Variants in CCDC124 observed in about 807,000 individuals in gnomAD.
CCDC124 encodes the protein coiled-coil domain-containing protein 124.
Under a neutral mutation model 19.8 loss-of-function variants are expected in CCDC124, and 9 were observed. The ratio of observed to expected loss-of-function variants is 0.45; its 90% confidence interval spans 0.27 to 0.79. The LOEUF (loss-of-function observed/expected upper bound fraction) is 0.79. CCDC124 is among the 30% of genes least tolerant of loss of function. CCDC124 has a pLI of 0.14. For missense variants in CCDC124, 285 were observed against 319.0 expected (o/e 0.89, Z 0.81); for synonymous variants, 126 against 131.3 (o/e 0.96, Z 0.27).
intron 1 of CCDC124, among the ~76,000 whole-genome samples, chr19:17,934,900 GTTTCC>G (rs2031026490): frequency 3.1e-5 from 1 of 31,870 alleles, no homozygotes; most frequent in Non-Finnish European, 6.0e-5. Context: ...TTGGTGCCTT[GTTTCC>G]TTGTTTCCTT....
chr19:17,937,740 G>T (rs1320087558), intron 2 of CCDC124, among the ~76,000 whole-genome samples: 2 of 151,982 alleles, frequency 1.3e-5, no homozygotes, highest in Non-Finnish European at 2.9e-5. Context: ...TTTTATTTTT[G>T]TTGTTGTTGT....
At chr19:17,937,546 G>T (rs537430551) in intron 2 of CCDC124, among the ~76,000 whole-genome samples, 33 of 152,166 alleles carry the variant, frequency 2.2e-4, no homozygotes, top group African/African-American at 7.5e-4. Context: ...TCGGGGAGAG[G>T]GGGTGTTGCT....
In CCDC124 at chr19:17,943,241, T is replaced by TGGGGGGGGGCC; in HGVS notation, c.350-20_350-19insGGGGGGGGGCC. On this transcript the variant is annotated intron_variant, in intron 3 of 4. Coordinates refer to ENST00000445755, the MANE Select transcript of CCDC124 (RefSeq NM_001136203.2). ...CTTTGCTTATCTCTCTCTGTCTCTG[T>TGGGGGGGGGCC]CACCCACCCACCCGCCCAGCCGAGA... 1.4e-6 allele frequency: 1 copy of TGGGGGGGGGCC among 736,674 alleles called. No individual in the cohort carries two copies. Among genetic ancestry groups the TGGGGGGGGGCC allele is most frequent in the Non-Finnish European group, 2.4e-6 (1 of 414,968 alleles). 45.6% of individuals were successfully genotyped at this position (736,674 alleles called of 1,614,324 possible).
intron 1 of CCDC124, chr19:17,935,310 G>C (rs2031035085): frequency 2.0e-5 from 3 of 152,564 alleles, no homozygotes; most frequent in Admixed American, 2.0e-4. Context: ...AAGAGGAATA[G>C]GGAGTGACTG....
chr19:17,934,721 T>C (rs971233496), intron 1 of CCDC124, among the ~76,000 whole-genome samples: 1 of 151,502 alleles, frequency 6.6e-6, no homozygotes, highest in African/African-American at 2.4e-5. Flanking sequence ...AGGTCAAGGC[T>C]GCAGTAAGCC....
intron 2 of CCDC124, among the ~76,000 whole-genome samples, chr19:17,941,896 G>A (rs1399203756): frequency 1.3e-5 from 2 of 152,144 alleles, no homozygotes; most frequent in Non-Finnish European, 2.9e-5. Context: ...GGCAGGCAGG[G>A]GTGTCCGAGA....
At chr19:17,941,598 G>A (rs893277051) in intron 2 of CCDC124, among the ~76,000 whole-genome samples, 2 of 151,968 alleles carry the variant, frequency 1.3e-5, no homozygotes, top group Admixed American at 6.6e-5. Context: ...GCCTCTGACC[G>A]AGGGGGAAAC....
chr19:17,936,250 A>G (rs2031059617), intron 1 of CCDC124, 160 bp from the exon 2 acceptor site: 1 of 607,930 alleles, frequency 1.6e-6, no homozygotes, highest in African/African-American at 1.9e-5. Context: ...GCCTTAATAA[A>G]CTTTTACAAG....
chr19:17,940,748 T>TAAA (rs753423113), intron 2 of CCDC124, among the ~76,000 whole-genome samples: 1 of 80,920 alleles, frequency 1.2e-5, no homozygotes, highest in Non-Finnish European at 2.5e-5. Flanking sequence ...AGATTCCACC[T>TAAA]AAAAAAAAAA....
In CCDC124 at chr19:17,943,649, G is replaced by A. The variant is rs749570187; in HGVS notation, c.606G>A (p.Lys202=). Residue 202 remains lysine, a synonymous_variant, in exon 5 of 5, where the codon AAG becomes AAA. Transcript: ENST00000445755. The part of the protein sequence containing the change: ...RLSQLKQLLK[K]EWLRSPDNPM... ...CGCAGCTGAAACAGCTGCTCAAGAA[G>A]GAGTGGCTCCGCTCTCCTGACAACC... 1.9e-6 allele frequency: 3 copies of A among 1,612,966 alleles called. No homozygotes were observed. Among genetic ancestry groups the A allele is most frequent in the Non-Finnish European group, 2.5e-6 (3 of 1,179,956 alleles).
chr19:17,933,228 G>C (rs2030985038), intron 1 of CCDC124, among the ~76,000 whole-genome samples, 180 bp downstream of exon 1: 1 of 152,208 alleles, frequency 6.6e-6, no homozygotes, highest in African/African-American at 2.4e-5. Flanking sequence ...TTCCAGACTA[G>C]ACGATTGAAG....
At chr19:17,934,881 A>G (rs2031025765) in intron 1 of CCDC124, among the ~76,000 whole-genome samples, 1 of 147,138 alleles carries the variant, frequency 6.8e-6, no homozygotes, top group African/African-American at 2.6e-5. Flanking sequence ...ACATTGTATC[A>G]TGTATGTATT....
Position 17,943,253 on chromosome 19 carries a change from C to A in CCDC124, c.350-8C>A, listed in dbSNP as rs1224798164. On this transcript the variant is annotated splice_region_variant and splice_polypyrimidine_tract_variant and intron_variant, in intron 3 of 4. Transcript: ENST00000445755. ...CTCTCTGTCTCTGTCACCCACCCACCCGCCCAGCCGAGAAAGCCAAGAGCC... is the reference window on the plus strand; with the variant it reads ...CTCTCTGTCTCTGTCACCCACCCACACGCCCAGCCGAGAAAGCCAAGAGCC... The A allele has an allele frequency of 2.9e-6, 4 of 1,364,208 alleles. No individual in the cohort carries two copies. The highest frequency in any genetic ancestry group is 2.5e-5 in the South Asian group (2 of 80,256). The allele number at this position is 1,364,208 out of a possible 1,614,324, so 84.5% of individuals were successfully genotyped here. A position where few individuals can be genotyped will look rare whatever the true frequency, so the allele number is the denominator to read the frequency against.
At chr19:17,934,963 T>C (rs1309159562) in intron 1 of CCDC124, 1 of 152,068 alleles carries the variant, frequency 6.6e-6, no homozygotes, top group African/African-American at 2.4e-5. Flanking sequence ...TTGCCCAGGC[T>C]GGAGTGCAGT....
intron 2 of CCDC124, chr19:17,936,839 C>T (rs1235217033): frequency 5.7e-6 from 2 of 352,328 alleles, no homozygotes; most frequent in East Asian, 5.5e-5. Flanking sequence ...AAATTAACTG[C>T]GTGGTGGCGC....
intron 2 of CCDC124, among the ~76,000 whole-genome samples, chr19:17,941,034 A>G (rs2031168709): frequency 6.6e-6 from 1 of 151,090 alleles, no homozygotes; most frequent in South Asian, 2.1e-4. Flanking sequence ...GCGACAGAGC[A>G]AGGTTCCGTC....
chr19:17,936,483 G>A lies in CCDC124; in HGVS notation c.63G>A (p.Glu21=). 1 of 1,613,046 alleles carries A rather than the reference G, an allele frequency of 6.2e-7. No homozygotes were observed. The highest frequency in any genetic ancestry group is 8.5e-7 in the Non-Finnish European group (1 of 1,179,754). The change falls in exon 2 of 5, where the codon GAG becomes GAA. Residue 21 remains glutamate, a synonymous_variant. Transcript: ENST00000445755. Reference sequence around the variant, plus strand: ...CAGCGGCCCGGGCACGTAGGGCAGAGGCCAAGGCGGCCGCTGATGCCAAGA... The same window carrying A: ...CAGCGGCCCGGGCACGTAGGGCAGAAGCCAAGGCGGCCGCTGATGCCAAGA... ...KSAAARARRA[E]AKAAADAKKQ...
At chr19:17,936,154 C>T (rs982937126) in intron 1 of CCDC124, 1 of 349,646 alleles carries the variant, frequency 2.9e-6, no homozygotes, top group Admixed American at 4.5e-5. Context: ...ATCCGCCCGC[C>T]TCGGCCTCCC....
intron 2 of CCDC124, among the ~76,000 whole-genome samples, chr19:17,938,415 C>G (rs1385655294): frequency 6.6e-6 from 1 of 152,150 alleles, no homozygotes; most frequent in East Asian, 1.9e-4. Flanking sequence ...CTGATGCTGA[C>G]CTGCTTGGCC....
Sources: gnomAD v4.1 joint callset for allele counts (sites outside exome capture counted in the v4.1 genomes callset) on GRCh38, gnomAD v4.1.1 for gene constraint, MANE v1.5 for transcripts, NCBI Gene and HGNC (gene_info 2026-07-23, HGNC 2026-07-21) for gene names.